The following LAMA2 variants were observed in gnomAD, a reference collection of about 807,000 sequenced individuals.
LAMA2 encodes the protein laminin subunit alpha 2.
LAMA2 carries 269 observed loss-of-function variants against 364.8 expected under a neutral mutation model. That is an observed-to-expected ratio of 0.74 (90% CI 0.67 to 0.82). The LOEUF (loss-of-function observed/expected upper bound fraction) is 0.82, where lower values mean the gene tolerates loss of function less well. Among genes scored for constraint, LAMA2 ranks in the 40% least tolerant of loss-of-function variants. The pLI is 0.00. For synonymous variants in LAMA2, 1,379 were observed against 1,370.6 expected (o/e 1.01, Z -0.14); for missense variants, 3,807 against 3,873.2 (o/e 0.98, Z 0.45).
chr6:129,035,760 T>G (rs540827382), intron 1 of LAMA2, among the ~76,000 whole-genome samples: 10 of 152,228 alleles, frequency 6.6e-5, no homozygotes, highest in Admixed American at 6.5e-4. Context: ...TTGCTTATTT[T>G]TATTGACTTT....
chr6:129,120,991 G>T (rs981005987), intron 4 of LAMA2, among the ~76,000 whole-genome samples: 4 of 152,174 alleles, frequency 2.6e-5, no homozygotes, highest in Non-Finnish European at 4.4e-5. Flanking sequence ...GACTTTTCAA[G>T]GAGCCTGTGA....
At chr6:129,241,542 C>G (rs574875586) in intron 12 of LAMA2, among the ~76,000 whole-genome samples, 2 of 152,034 alleles carry the variant, frequency 1.3e-5, no homozygotes, top group African/African-American at 4.8e-5. Flanking sequence ...AGGTGTGATT[C>G]GTCTCATTTT....
At chr6:129,321,798 G>C (rs1436632940) in intron 28 of LAMA2, among the ~76,000 whole-genome samples, 1 of 152,236 alleles carries the variant, frequency 6.6e-6, no homozygotes, top group African/African-American at 2.4e-5. Context: ...TGGTACATGA[G>C]ACAGATGATT....
intron 1 of LAMA2, among the ~76,000 whole-genome samples, chr6:129,008,961 G>A (rs763045817): frequency 8.5e-5 from 13 of 152,092 alleles, no homozygotes; most frequent in Non-Finnish European, 1.3e-4. Context: ...ATAATTCAAA[G>A]ACCCAGATAG....
intron 3 of LAMA2, among the ~76,000 whole-genome samples, chr6:129,096,896 C>G (rs1414893328): frequency 1.3e-5 from 2 of 152,196 alleles, no homozygotes; most frequent in Non-Finnish European, 2.9e-5. Flanking sequence ...TACCGCATTC[C>G]ATACCAAATT....
At chr6:129,332,768 AT>A (rs1157785163) in intron 29 of LAMA2, among the ~76,000 whole-genome samples, 6 of 152,016 alleles carry the variant, frequency 3.9e-5, no homozygotes, top group Non-Finnish European at 7.4e-5. Context: ...CTAACTGGTC[AT>A]TATTGGTAAA....
intron 12 of LAMA2, among the ~76,000 whole-genome samples, chr6:129,215,936 T>C (rs1364566766): frequency 6.6e-6 from 1 of 152,192 alleles, no homozygotes; most frequent in African/African-American, 2.4e-5. Flanking sequence ...TTCTCTTCTT[T>C]GGTTTTTAAA....
In LAMA2 at chr6:129,516,302, C is replaced by T. The variant is rs772307177; in HGVS notation, c.9324C>T (p.Ala3108=). 6.2e-7 allele frequency: 1 copy of T among 1,614,068 alleles called. No individual in the cohort carries two copies. Among genetic ancestry groups the T allele is most frequent in the Non-Finnish European group, 8.5e-7 (1 of 1,180,006 alleles). Residue 3108 remains alanine (A), a synonymous_variant, in exon 65 of 65, where the codon GCC becomes GCT. Coordinates refer to ENST00000421865, the MANE Select transcript of LAMA2 (RefSeq NM_000426.4). ...GKPLEVNFAK[A]LELRGVQPVS... ...CACTGGAGGTTAATTTTGCCAAGGC[C>T]CTGGAACTGAGGGGCGTTCAACCTG...
At chr6:129,060,957 T>C (rs9492216) in intron 3 of LAMA2, among the ~76,000 whole-genome samples, 61 of 152,292 alleles carry the variant, frequency 4.0e-4, no homozygotes, top group African/African-American at 1.4e-3. Flanking sequence ...TATCACCAAA[T>C]GGCATGGACT....
intron 40 of LAMA2, among the ~76,000 whole-genome samples, chr6:129,414,275 T>C (rs1484431121): frequency 6.6e-6 from 1 of 152,048 alleles, no homozygotes; most frequent in Admixed American, 6.5e-5. Flanking sequence ...ATTATGCAAT[T>C]TGTTCCCAAG....
intron 1 of LAMA2, among the ~76,000 whole-genome samples, chr6:128,945,062 G>A (rs1421881060): frequency 6.6e-6 from 1 of 152,182 alleles, no homozygotes; most frequent in East Asian, 1.9e-4. Flanking sequence ...CACAGCATTT[G>A]AGGAATGGCT....
At chr6:129,309,930 C>T (rs575604793) in intron 22 of LAMA2, among the ~76,000 whole-genome samples, 10 of 117,622 alleles carry the variant, frequency 8.5e-5, no homozygotes, top group Admixed American at 4.8e-4. Context: ...GACGGAGTCT[C>T]GCTCTGTCAC....
Position 129,177,707 on chromosome 6 carries a change from T to G in LAMA2, c.1308T>G (p.Gly436=), listed in dbSNP as rs41285286. Residue 436 remains glycine (G), a splice_region_variant and synonymous_variant, in exon 10 of 65, where the codon GGT becomes GGG. Transcript: ENST00000421865. ...CVKDEKHARR[G]LAPGSCHCKT... is the part of the protein sequence containing the mutation. Reference sequence around the variant, plus strand: ...GATATGTGGCTCATCTTTCTTTAGGTTTGGCACCTGGATCCTGTCATTGCA... The same window carrying G: ...GATATGTGGCTCATCTTTCTTTAGGGTTGGCACCTGGATCCTGTCATTGCA... The G allele has an allele frequency of 2.2e-3, 3,511 of 1,613,898 alleles. 3 individuals carry two copies. Among genetic ancestry groups the G allele is most frequent in the Non-Finnish European group, 2.8e-3 (3,308 of 1,179,876 alleles).
intron 12 of LAMA2, among the ~76,000 whole-genome samples, chr6:129,212,994 A>AT (rs1234736993): frequency 3.9e-5 from 6 of 152,144 alleles, no homozygotes; most frequent in Admixed American, 3.3e-4. Context: ...GGAAGCACAT[A>AT]TTTTCTGATA....
intron 29 of LAMA2, among the ~76,000 whole-genome samples, chr6:129,329,526 TA>T (rs1452625407): frequency 4.6e-5 from 7 of 152,180 alleles, no homozygotes; most frequent in South Asian, 4.1e-4. Context: ...CACACCTGGA[TA>T]TTTTTTTTAT....
intron 12 of LAMA2, among the ~76,000 whole-genome samples, chr6:129,200,121 T>TATAC (rs1782112070): frequency 1.7e-5 from 2 of 116,636 alleles, no homozygotes; most frequent in African/African-American, 7.3e-5. Context: ...CGTATATATA[T>TATAC]GTGTATATAT....
At chr6:129,374,579 C>CTT (rs10586725) in intron 34 of LAMA2, among the ~76,000 whole-genome samples, 1 of 140,702 alleles carries the variant, frequency 7.1e-6, no homozygotes. Flanking sequence ...TACTGCCAAT[C>CTT]TTTTTTTTTT....
At chr6:129,200,096 G>A (rs66620338) in intron 12 of LAMA2, among the ~76,000 whole-genome samples, 29,574 of 129,854 alleles carry the variant, frequency 0.23, 3,824 homozygotes, top group African/African-American at 0.33. Flanking sequence ...ATATATACAC[G>A]TGTATATGTG....
In LAMA2 at chr6:129,424,999, G is replaced by A. The variant is rs1781256163; in HGVS notation, c.5866-2753G>A. Reference sequence around the variant, plus strand: ...CATAGATAAATGTTGAAACTATGTTGAGTGAAAGAAGCCAGACAAAAAGAG... The same window carrying A: ...CATAGATAAATGTTGAAACTATGTTAAGTGAAAGAAGCCAGACAAAAAGAG... On this transcript the variant is annotated intron_variant, in intron 40 of 64. Coordinates refer to ENST00000421865, the MANE Select transcript of LAMA2 (RefSeq NM_000426.4). Among the ~76,000 whole-genome samples, 3 of 151,986 alleles carry A rather than the reference G, an allele frequency of 2.0e-5. No homozygotes were observed. In the South Asian group the frequency reaches 6.2e-4, roughly 31 times the overall value.
Sources: gnomAD v4.1 joint callset for allele counts (sites outside exome capture counted in the v4.1 genomes callset) on GRCh38, gnomAD v4.1.1 for gene constraint, MANE v1.5 for transcripts, NCBI Gene and HGNC (gene_info 2026-07-23, HGNC 2026-07-21) for gene names.